Variants in ANXA8 observed in about 807,000 individuals in gnomAD.
ANXA8 encodes the protein annexin A8.
A neutral mutation model predicts 26.8 loss-of-function variants in ANXA8; 9 were observed. That is an observed-to-expected ratio of 0.34 (90% CI 0.20 to 0.59). ANXA8 has a LOEUF of 0.59. ANXA8 is among the 20% of genes least tolerant of loss of function. ANXA8 has a pLI of 0.84. For synonymous variants in ANXA8, 39 were observed against 94.8 expected, an observed-to-expected ratio of 0.41 and a Z score of 3.42; for missense variants, 83 against 238.5, an observed-to-expected ratio of 0.35 and a Z score of 4.29.
At chr10:47,489,220 G>A in the ANXA8 span, among the ~76,000 whole-genome samples, 9 of 129,018 alleles carry the variant, frequency 7.0e-5, no homozygotes, top group African/African-American at 1.2e-4. Flanking sequence ...GGGTTTCACC[G>A]TGTTAGCCAG....
the ANXA8 span, among the ~76,000 whole-genome samples, chr10:47,715,483 T>A: frequency 2.7e-5 from 4 of 146,924 alleles, no homozygotes; most frequent in Non-Finnish European, 6.0e-5. Flanking sequence ...CTAGCATGCT[T>A]CTGTTGTCTT....
the ANXA8 span, among the ~76,000 whole-genome samples, chr10:47,952,532 GA>G: frequency 6.7e-6 from 1 of 148,150 alleles, no homozygotes; most frequent in East Asian, 2.1e-4. Context: ...ATACTTACAA[GA>G]TGAGCAAAAT....
chr10:47,654,446 G>A, the ANXA8 span, among the ~76,000 whole-genome samples: 1 of 143,944 alleles, frequency 6.9e-6, no homozygotes, highest in Non-Finnish European at 1.5e-5. Flanking sequence ...CAGCTCTAAA[G>A]GTTGAGTAGA....
At chr10:47,693,003 A>G in the ANXA8 span, among the ~76,000 whole-genome samples, 1 of 151,774 alleles carries the variant, frequency 6.6e-6, no homozygotes, top group East Asian at 2.0e-4. Context: ...CCAAAATGCT[A>G]GGATTACAAG....
At chr10:47,572,443 C>T in the ANXA8 span, among the ~76,000 whole-genome samples, 2 of 149,902 alleles carry the variant, frequency 1.3e-5, no homozygotes, top group African/African-American at 2.5e-5. Flanking sequence ...AGGCCAGTCG[C>T]GGTAGCTCAT....
At chr10:47,693,111 T>C in the ANXA8 span, among the ~76,000 whole-genome samples, 8 of 151,668 alleles carry the variant, frequency 5.3e-5, no homozygotes, top group Non-Finnish European at 1.2e-4. Context: ...CATGGTGTAT[T>C]AGAGCAGGAG....
chr10:47,675,272 C>A, the ANXA8 span, among the ~76,000 whole-genome samples: 9 of 146,932 alleles, frequency 6.1e-5, no homozygotes, highest in Non-Finnish European at 7.4e-5. Context: ...CCAGTTGAAT[C>A]ACTACATGGA....
At chr10:47,970,678 C>A in the ANXA8 span, among the ~76,000 whole-genome samples, 1 of 151,378 alleles carries the variant, frequency 6.6e-6, no homozygotes, top group Non-Finnish European at 1.5e-5. Flanking sequence ...TATTTAATTC[C>A]TAAGGCATTT....
the ANXA8 span, among the ~76,000 whole-genome samples, chr10:47,675,415 A>T: frequency 3.6e-4 from 55 of 151,868 alleles, no homozygotes; most frequent in African/African-American, 1.3e-3. Context: ...CCACAGTTTT[A>T]AAAATTGGTG....
At chr10:47,555,037 C>G in the ANXA8 span, among the ~76,000 whole-genome samples, 1 of 151,174 alleles carries the variant, frequency 6.6e-6, no homozygotes, top group African/African-American at 2.4e-5. Flanking sequence ...CAGTATCCCA[C>G]TCTGACCACC....
chr10:47,530,601 G>C, the ANXA8 span, among the ~76,000 whole-genome samples: 1 of 151,152 alleles, frequency 6.6e-6, no homozygotes, highest in African/African-American at 2.4e-5. Flanking sequence ...GCTGAGGCAG[G>C]AGAATCCCTT....
At chr10:47,500,513 G>A in the ANXA8 span, among the ~76,000 whole-genome samples, 1 of 151,146 alleles carries the variant, frequency 6.6e-6, no homozygotes, top group East Asian at 2.0e-4. Flanking sequence ...CTTGGTCTTG[G>A]GTAGCAAAAG....
At chr10:47,558,231 C>A in the ANXA8 span, among the ~76,000 whole-genome samples, 2 of 151,924 alleles carry the variant, frequency 1.3e-5, no homozygotes, top group African/African-American at 4.8e-5. Context: ...TCCAGCTTTA[C>A]TGAGATAGAT....
chr10:47,666,005 G>T, the ANXA8 span, among the ~76,000 whole-genome samples: 2 of 151,756 alleles, frequency 1.3e-5, no homozygotes, highest in Non-Finnish European at 2.9e-5. Context: ...CCTAGTGAGA[G>T]TGAAAGATTG....
At chr10:47,729,721 T>C in the ANXA8 span, among the ~76,000 whole-genome samples, 1 of 149,288 alleles carries the variant, frequency 6.7e-6, no homozygotes, top group Non-Finnish European at 1.5e-5. Context: ...TCTGGGCCTG[T>C]TTCTTGTGTC....
At chr10:47,700,295 A>G in the ANXA8 span, among the ~76,000 whole-genome samples, 1 of 152,064 alleles carries the variant, frequency 6.6e-6, no homozygotes. Context: ...GTACTGATGC[A>G]TGAATAGACA....
At chr10:47,706,300 A>C in the ANXA8 span, 1 of 598,358 alleles carries the variant, frequency 1.7e-6, no homozygotes, top group Admixed American at 3.2e-5. Flanking sequence ...CAATTTGTGG[A>C]CTCCTACGAT....
the ANXA8 span, among the ~76,000 whole-genome samples, chr10:47,947,928 T>G: frequency 6.6e-6 from 1 of 150,936 alleles, no homozygotes; most frequent in Admixed American, 6.6e-5. Context: ...GCAGGCACTT[T>G]CAGAGCTCAT....
chr10:47,552,510 G>A, the ANXA8 span, among the ~76,000 whole-genome samples: 3 of 151,948 alleles, frequency 2.0e-5, no homozygotes, highest in African/African-American at 7.3e-5. Context: ...AGTACCTGTT[G>A]ACTCTAAAAC....
Sources: gnomAD v4.1 joint callset for allele counts (sites outside exome capture counted in the v4.1 genomes callset) on GRCh38, gnomAD v4.1.1 for gene constraint, MANE v1.5 for transcripts, NCBI Gene and HGNC (gene_info 2026-07-23, HGNC 2026-07-21) for gene names.